Variants in EXOC6B observed in about 807,000 individuals in gnomAD.
The protein encoded by EXOC6B is SEC15 homolog B.
A neutral mutation model predicts 113.5 loss-of-function variants in EXOC6B; 54 were observed. The ratio of observed to expected loss-of-function variants is 0.48; its 90% CI spans 0.38 to 0.60. EXOC6B has a LOEUF of 0.60. Ranked by LOEUF, EXOC6B falls within the 20% of genes least tolerant of loss-of-function variation. The pLI is 0.00. For missense variants in EXOC6B, 797 were observed against 977.5 expected, an observed-to-expected ratio of 0.82 and a Z score of 2.46; for synonymous variants, 357 against 339.0, an observed-to-expected ratio of 1.05 and a Z score of -0.58.
chr2:72,420,688 A>T (rs1268999643), intron 18 of EXOC6B, among the ~76,000 whole-genome samples: 2 of 152,210 alleles, frequency 1.3e-5, no homozygotes, highest in Non-Finnish European at 2.9e-5. Flanking sequence ...ACACTGCCAC[A>T]GTAAACATAC....
chr2:72,489,320 A>C (rs1699610607), intron 16 of EXOC6B, among the ~76,000 whole-genome samples: 1 of 152,180 alleles, frequency 6.6e-6, no homozygotes, highest in African/African-American at 2.4e-5. Context: ...GATTTATCTT[A>C]AGGGCATGGA....
At chr2:72,253,302 C>T (rs760948535) in intron 20 of EXOC6B, among the ~76,000 whole-genome samples, 2 of 152,154 alleles carry the variant, frequency 1.3e-5, no homozygotes, top group Non-Finnish European at 2.9e-5. Context: ...TCTGAAAGAA[C>T]TTAAAACAGA....
chr2:72,449,418 G>A (rs993448284), intron 18 of EXOC6B, among the ~76,000 whole-genome samples: 8 of 151,094 alleles, frequency 5.3e-5, no homozygotes, highest in South Asian at 2.1e-4. Flanking sequence ...TGATACACCC[G>A]CCTCTGCCTC....
intron 20 of EXOC6B, among the ~76,000 whole-genome samples, chr2:72,220,704 A>G (rs13404369): frequency 0.16 from 24,523 of 152,166 alleles, 2,311 homozygotes; most frequent in Non-Finnish European, 0.21. Flanking sequence ...TTTACTTTAT[A>G]AGAAAAAAAA....
At chr2:72,211,706 T>A (rs1229851768) in intron 20 of EXOC6B, among the ~76,000 whole-genome samples, 1 of 152,234 alleles carries the variant, frequency 6.6e-6, no homozygotes, top group Non-Finnish European at 1.5e-5. Flanking sequence ...ATGGTAAATT[T>A]GATATGTGGT....
intron 18 of EXOC6B, among the ~76,000 whole-genome samples, chr2:72,430,407 G>A (rs1020718728): frequency 2.0e-5 from 3 of 152,176 alleles, no homozygotes; most frequent in Non-Finnish European, 2.9e-5. Context: ...AGGCCAAGGC[G>A]GGTGGATCAC....
intron 19 of EXOC6B, among the ~76,000 whole-genome samples, chr2:72,349,509 A>C (rs1308987065): frequency 1.3e-5 from 2 of 152,170 alleles, no homozygotes; most frequent in African/African-American, 2.4e-5. Context: ...CATGTGACTA[A>C]TGATTTAATC....
intron 8 of EXOC6B, among the ~76,000 whole-genome samples, chr2:72,516,388 C>T (rs968348739): frequency 1.3e-5 from 2 of 152,118 alleles, no homozygotes; most frequent in African/African-American, 4.8e-5. Context: ...GCTGGGACTA[C>T]AGGTGTGCGC....
At chr2:72,742,980 C>G (rs1681424593) in intron 1 of EXOC6B, among the ~76,000 whole-genome samples, 1 of 152,030 alleles carries the variant, frequency 6.6e-6, no homozygotes. Flanking sequence ...ACTCCCATAC[C>G]TGTTCCTCCT....
At chr2:72,354,559 A>G (rs888775952) in intron 19 of EXOC6B, among the ~76,000 whole-genome samples, 4 of 152,210 alleles carry the variant, frequency 2.6e-5, no homozygotes, top group African/African-American at 9.6e-5. Context: ...ATGACCAGGT[A>G]TCTGGCAATG....
At chr2:72,450,563 A>T (rs1286313036) in intron 18 of EXOC6B, among the ~76,000 whole-genome samples, 1 of 152,208 alleles carries the variant, frequency 6.6e-6, no homozygotes, top group Non-Finnish European at 1.5e-5. Flanking sequence ...TGAAGATGTC[A>T]TGGTTTGGTA....
intron 1 of EXOC6B, among the ~76,000 whole-genome samples, chr2:72,798,478 C>A (rs1185664916): frequency 6.6e-6 from 1 of 152,000 alleles, no homozygotes; most frequent in Non-Finnish European, 1.5e-5. Flanking sequence ...ATCAAAATAA[C>A]TATGTGGAGA....
chr2:72,666,687 T>C (rs990406373), intron 6 of EXOC6B, among the ~76,000 whole-genome samples: 5 of 151,720 alleles, frequency 3.3e-5, no homozygotes, highest in African/African-American at 1.2e-4. Context: ...AGTTTCAGGA[T>C]ACAAAATCAA....
chr2:72,724,062 T>G (rs1445544050), intron 5 of EXOC6B, among the ~76,000 whole-genome samples: 5 of 152,136 alleles, frequency 3.3e-5, no homozygotes, highest in Non-Finnish European at 5.9e-5. Context: ...AGCTTGAAGT[T>G]GTGTGGCAGA....
At chr2:72,687,978 C>T (rs1387842602) in intron 6 of EXOC6B, among the ~76,000 whole-genome samples, 1 of 152,018 alleles carries the variant, frequency 6.6e-6, no homozygotes, top group African/African-American at 2.4e-5. Context: ...ATTCTAGAAG[C>T]TCATTGTTGG....
At chr2:72,514,392 C>A (rs886997401) in intron 10 of EXOC6B, among the ~76,000 whole-genome samples, 2 of 151,472 alleles carry the variant, frequency 1.3e-5, no homozygotes, top group Admixed American at 6.6e-5. Context: ...TCACTTTATC[C>A]ACAAAAATGC....
intron 16 of EXOC6B, among the ~76,000 whole-genome samples, chr2:72,482,958 C>T (rs1049415062): frequency 7.2e-5 from 11 of 152,282 alleles, no homozygotes; most frequent in African/African-American, 2.6e-4. Context: ...TCTATATTTT[C>T]CCCCATAACT....
At chr2:72,342,482 G>A (rs1282893381) in intron 19 of EXOC6B, among the ~76,000 whole-genome samples, 1 of 151,980 alleles carries the variant, frequency 6.6e-6, no homozygotes, top group Non-Finnish European at 1.5e-5. Flanking sequence ...ACCACAATAA[G>A]ATAAAACCAC....
chr2:72,794,933 CA>C (rs2105054296), intron 1 of EXOC6B, among the ~76,000 whole-genome samples: 1 of 152,208 alleles, frequency 6.6e-6, no homozygotes, highest in East Asian at 1.9e-4. Context: ...AAAGCAAGTA[CA>C]AAGGTAGAGC....
Sources: gnomAD v4.1 joint callset for allele counts (sites outside exome capture counted in the v4.1 genomes callset) on GRCh38, gnomAD v4.1.1 for gene constraint, MANE v1.5 for transcripts, NCBI Gene and HGNC (gene_info 2026-07-23, HGNC 2026-07-21) for gene names.